Variants in GALNT13 observed in about 807,000 individuals in gnomAD.
GALNT13 encodes UDP-GalNAc:polypeptide N-acetylgalactosaminyltransferase 13.
In GALNT13, 28 loss-of-function variants were observed where a neutral mutation model predicts 64.2. The ratio of observed to expected loss-of-function variants is 0.44; its 90% CI spans 0.32 to 0.60. The LOEUF (loss-of-function observed/expected upper bound fraction) is 0.60. Among genes scored for constraint, GALNT13 ranks in the 20% least tolerant of loss-of-function variants. The pLI, the probability that GALNT13 is intolerant of heterozygous loss-of-function variation, is 0.05. For synonymous variants in GALNT13, 214 were observed against 224.6 expected (o/e 0.95, Z 0.42); for missense variants, 577 against 669.8 (o/e 0.86, Z 1.53).
chr2:153,641,714 A>G, the GALNT13 span, among the ~76,000 whole-genome samples: 1 of 152,162 alleles, frequency 6.6e-6, no homozygotes, highest in African/African-American at 2.4e-5. Context: ...ACAAACATTC[A>G]CATTTCTGCT....
chr2:154,121,410 G>A (rs1197130706), intron 3 of GALNT13, among the ~76,000 whole-genome samples: 1 of 152,138 alleles, frequency 6.6e-6, no homozygotes, highest in African/African-American at 2.4e-5. Flanking sequence ...TATAGATCAA[G>A]TTGGGAGTAA....
intron 2 of GALNT13, among the ~76,000 whole-genome samples, chr2:153,901,707 T>C (rs1030307046): frequency 3.3e-5 from 5 of 152,100 alleles, no homozygotes; most frequent in Admixed American, 1.3e-4. Context: ...GAATTTCAAA[T>C]TTAAAAAAAT....
chr2:153,930,684 T>C lies in GALNT13; in HGVS notation c.-104-13710T>C, dbSNP rs75720734. 7.9e-3 allele frequency among the ~76,000 whole-genome samples: 1,209 copies of C among 152,230 alleles called. 17 individuals are homozygous for C. Among genetic ancestry groups the C allele is most frequent in the African/African-American group, 0.028 (1,148 of 41,552 alleles). On this transcript the variant is annotated intron_variant, in intron 2 of 12. Coordinates refer to ENST00000392825, the MANE Select transcript of GALNT13 (RefSeq NM_052917.4). ...CTTCTGTTCCACTGGTCTATGTCTG[T>C]TTTTGTACCAGTAAGTACCATGCTG...
chr2:153,264,224 A>G, the GALNT13 span, among the ~76,000 whole-genome samples: 2 of 152,238 alleles, frequency 1.3e-5, no homozygotes, highest in South Asian at 4.1e-4. Flanking sequence ...ATGTAGATCA[A>G]AACCATAATG....
chr2:153,673,289 C>T, the GALNT13 span, among the ~76,000 whole-genome samples: 1 of 152,142 alleles, frequency 6.6e-6, no homozygotes, highest in Non-Finnish European at 1.5e-5. Flanking sequence ...CCCTGATGAA[C>T]ATCAATGCAA....
chr2:154,135,399 A>C (rs1171017141), intron 3 of GALNT13, among the ~76,000 whole-genome samples: 4 of 152,210 alleles, frequency 2.6e-5, no homozygotes, highest in African/African-American at 9.6e-5. Context: ...TATATGCTAG[A>C]CTTGATGCAG....
At chr2:153,806,803 T>G in the GALNT13 span, among the ~76,000 whole-genome samples, 1 of 151,648 alleles carries the variant, frequency 6.6e-6, no homozygotes, top group Admixed American at 6.6e-5. Flanking sequence ...AGGTAAATAG[T>G]GAGGGAAAGG....
the GALNT13 span, among the ~76,000 whole-genome samples, chr2:153,435,543 A>T: frequency 6.6e-6 from 1 of 151,232 alleles, no homozygotes; most frequent in African/African-American, 2.4e-5. Context: ...GAGGTCCTTC[A>T]CGTCCCTTGT....
chr2:154,255,675 G>C (rs1212244754), intron 7 of GALNT13, among the ~76,000 whole-genome samples: 4 of 152,002 alleles, frequency 2.6e-5, no homozygotes, highest in Non-Finnish European at 5.9e-5. Context: ...AGAGATTGAA[G>C]GAGTTTAGAT....
the GALNT13 span, among the ~76,000 whole-genome samples, chr2:153,619,981 G>C: frequency 6.6e-6 from 1 of 151,926 alleles, no homozygotes; most frequent in African/African-American, 2.4e-5. Flanking sequence ...ATTAGATATT[G>C]ATGTCTTTCT....
the GALNT13 span, among the ~76,000 whole-genome samples, chr2:153,631,678 T>A: frequency 6.6e-6 from 1 of 152,320 alleles, no homozygotes; most frequent in South Asian, 2.1e-4. Context: ...TGTAAATTTG[T>A]TTGAGTTCTT....
the GALNT13 span, among the ~76,000 whole-genome samples, chr2:153,580,664 G>A: frequency 6.6e-6 from 1 of 152,110 alleles, no homozygotes; most frequent in Non-Finnish European, 1.5e-5. Flanking sequence ...AGGGAAACAA[G>A]CATGGACATA....
chr2:154,398,290 G>T (rs1345058920), intron 10 of GALNT13, among the ~76,000 whole-genome samples: 1 of 152,176 alleles, frequency 6.6e-6, no homozygotes, highest in Non-Finnish European at 1.5e-5. Context: ...ACAGAAATGA[G>T]CAAAGAGGAC....
the GALNT13 span, among the ~76,000 whole-genome samples, chr2:153,432,651 C>T: frequency 1.3e-5 from 2 of 152,038 alleles, no homozygotes; most frequent in African/African-American, 4.8e-5. Flanking sequence ...TCCACCTGAT[C>T]TAGTTGTCAC....
chr2:154,232,620 C>G (rs990675547), intron 4 of GALNT13, among the ~76,000 whole-genome samples: 23 of 152,164 alleles, frequency 1.5e-4, no homozygotes, highest in African/African-American at 5.3e-4. Flanking sequence ...AACACTGTAT[C>G]CCATCAGGAA....
chr2:153,145,984 C>T, the GALNT13 span, among the ~76,000 whole-genome samples: 1 of 151,814 alleles, frequency 6.6e-6, no homozygotes, highest in African/African-American at 2.4e-5. Context: ...GTGTATTTAG[C>T]TTCATGTCTT....
intron 3 of GALNT13, among the ~76,000 whole-genome samples, chr2:154,123,763 A>T (rs1209831893): frequency 6.6e-6 from 1 of 152,050 alleles, no homozygotes; most frequent in Non-Finnish European, 1.5e-5. Context: ...AGGGAAGGGA[A>T]TCAGGCACAA....
chr2:153,389,263 T>G, the GALNT13 span, among the ~76,000 whole-genome samples: 1 of 152,112 alleles, frequency 6.6e-6, no homozygotes, highest in Non-Finnish European at 1.5e-5. Flanking sequence ...TTGAATTATA[T>G]ATTGGGAGGT....
chr2:153,541,798 TG>T, the GALNT13 span, among the ~76,000 whole-genome samples: 2 of 152,248 alleles, frequency 1.3e-5, no homozygotes, highest in African/African-American at 4.8e-5. Flanking sequence ...TCTATACAGT[TG>T]CCCATAGTTT....
Sources: gnomAD v4.1 joint callset for allele counts (sites outside exome capture counted in the v4.1 genomes callset) on GRCh38, gnomAD v4.1.1 for gene constraint, MANE v1.5 for transcripts, NCBI Gene and HGNC (gene_info 2026-07-23, HGNC 2026-07-21) for gene names.